RAF1: variants seen among roughly 807,000 people sequenced by gnomAD.
The protein encoded by RAF1 is Raf-1 proto-oncogene, serine/threonine kinase, also known as RAF proto-oncogene serine/threonine-protein kinase.
A neutral mutation model predicts 81.1 loss-of-function variants in RAF1; 27 were observed. The observed-to-expected ratio is 0.33, with a 90% CI of 0.25 to 0.46. The LOEUF (loss-of-function observed/expected upper bound fraction) is 0.46. Ranked by LOEUF, RAF1 falls within the 20% of genes least tolerant of loss-of-function variation. RAF1 has a pLI of 1.00. For synonymous variants in RAF1, 298 were observed against 294.0 expected (o/e 1.01, Z -0.14); for missense variants, 598 against 826.0 (o/e 0.72, Z 3.38).
At chr3:12,618,251 A>G (rs143442022) in intron 2 of RAF1, among the ~76,000 whole-genome samples, 2 of 152,358 alleles carry the variant, frequency 1.3e-5, no homozygotes, top group Admixed American at 1.3e-4. Context: ...AAATATACCC[A>G]TAAGAATGTA....
chr3:12,620,136 ATTTTC>A (rs569177072), intron 1 of RAF1, among the ~76,000 whole-genome samples: 73 of 151,804 alleles, frequency 4.8e-4, no homozygotes, highest in Admixed American at 1.4e-3. Flanking sequence ...AACCCCAAAG[ATTTTC>A]TTTTCTTTTC....
chr3:12,635,637 CA>C (rs34576938), intron 1 of RAF1, among the ~76,000 whole-genome samples: 8,639 of 73,074 alleles, frequency 0.12, 268 homozygotes, highest in Admixed American at 0.15. Context: ...ACTCCAGCTC[CA>C]AAAAAAAAAA....
At chr3:12,600,990 G>A (rs1352903208) in intron 8 of RAF1, among the ~76,000 whole-genome samples, 4 of 152,224 alleles carry the variant, frequency 2.6e-5, no homozygotes, top group Non-Finnish European at 5.9e-5. Flanking sequence ...TCCAAAGATT[G>A]GGATTCTTGT....
intron 6 of RAF1, among the ~76,000 whole-genome samples, chr3:12,605,262 G>A (rs993182341): frequency 6.6e-6 from 1 of 151,676 alleles, no homozygotes; most frequent in African/African-American, 2.4e-5. Flanking sequence ...GTGTGTGTGT[G>A]TGTGTGTGTG....
chr3:12,585,904 T>G (rs1245910948), intron 14 of RAF1, 105 bp from the exon 14 acceptor site: 1 of 829,994 alleles, frequency 1.2e-6, no homozygotes, highest in Non-Finnish European at 2.1e-6. Context: ...CTTACCTCTG[T>G]CACAGCCTCT....
intron 2 of RAF1, among the ~76,000 whole-genome samples, chr3:12,613,093 T>C (rs1308751137): frequency 6.6e-6 from 1 of 152,174 alleles, no homozygotes; most frequent in Non-Finnish European, 1.5e-5. Context: ...TAGTGGCACA[T>C]ACTTCTCTAT....
intron 1 of RAF1, among the ~76,000 whole-genome samples, chr3:12,634,792 A>G (rs1182119038): frequency 6.6e-6 from 1 of 152,100 alleles, no homozygotes; most frequent in African/African-American, 2.4e-5. Context: ...CCCTTTAAGT[A>G]TATCCTCTCC....
chr3:12,646,761 G>C (rs893353676), intron 1 of RAF1, among the ~76,000 whole-genome samples: 4 of 151,768 alleles, frequency 2.6e-5, no homozygotes, highest in Non-Finnish European at 5.9e-5. Context: ...ATGTTGGCCA[G>C]ACTTGTCTCA....
At chr3:12,662,063 C>G (rs2060895232) in intron 1 of RAF1, among the ~76,000 whole-genome samples, 1 of 151,524 alleles carries the variant, frequency 6.6e-6, no homozygotes, top group African/African-American at 2.4e-5. Context: ...AGTGGCTCAC[C>G]CCTGTAATCC....
At chr3:12,605,250 A>ATATGTGTGTG (rs1553613998) in intron 6 of RAF1, among the ~76,000 whole-genome samples, 1,791 of 144,610 alleles carry the variant, frequency 0.012, 17 homozygotes, top group African/African-American at 0.028. Context: ...ATTACACATT[A>ATATGTGTGTG]TGTGTGTGTG....
intron 5 of RAF1, among the ~76,000 whole-genome samples, chr3:12,607,584 G>T (rs1575580085): frequency 6.6e-6 from 1 of 152,094 alleles, no homozygotes; most frequent in Non-Finnish European, 1.5e-5. Context: ...AGAGGTCGAG[G>T]CTACAGTGAG....
intron 11 of RAF1, among the ~76,000 whole-genome samples, chr3:12,597,178 G>C (rs553684342): frequency 2.6e-5 from 4 of 152,092 alleles, no homozygotes; most frequent in Admixed American, 6.6e-5. Flanking sequence ...GATTACAGGC[G>C]TGAGCCACCG....
chr3:12,584,986 G>A lies in RAF1; in HGVS notation c.1729-5C>T. 2 of 1,614,098 alleles carry A rather than the reference G, an allele frequency of 1.2e-6. No homozygotes were observed. The highest frequency in any genetic ancestry group is 1.3e-5 in the African/African-American group (1 of 75,024). ...TCGGCCCACCATGAAGATGATCTAA[G>A]GGAAAGAAAACAGCTGAGCTAATGG... On this transcript the variant is annotated splice_polypyrimidine_tract_variant and splice_region_variant and intron_variant, in intron 16 of 17. Transcript: ENST00000442415.
chr3:12,648,842 C>T (rs947766807), intron 1 of RAF1, among the ~76,000 whole-genome samples: 24 of 152,170 alleles, frequency 1.6e-4, no homozygotes, highest in African/African-American at 5.3e-4. Flanking sequence ...CGGCCGGATG[C>T]GGTGGCTCAC....
intron 1 of RAF1, among the ~76,000 whole-genome samples, chr3:12,627,490 G>A (rs189706130): frequency 1.3e-5 from 2 of 152,226 alleles, no homozygotes; most frequent in African/African-American, 4.8e-5. Context: ...ACCAGGGGAC[G>A]TTTTAGGATA....
chr3:12,657,469 C>T (rs2060732517), intron 1 of RAF1, among the ~76,000 whole-genome samples: 1 of 152,090 alleles, frequency 6.6e-6, no homozygotes, highest in Admixed American at 6.6e-5. Context: ...ATATTTAATT[C>T]TTAAGAATTT....
chr3:12,595,879 C>CTTT lies in RAF1; in HGVS notation c.1168+3809_1168+3811dup, dbSNP rs35282213. ...ACTAGAATATAAACTCCTTAAGTTT[C>CTTT]TTTTTTTTTTTTTGGACACAGGGTC... On this transcript the variant is annotated intron_variant, in intron 11 of 17. Coordinates refer to ENST00000442415, the MANE Select transcript of RAF1 (RefSeq NM_001354689.3). Among the ~76,000 whole-genome samples, 95 of 144,922 alleles carry CTTT rather than the reference C, an allele frequency of 6.6e-4. 1 individual carries two copies. In the East Asian group the frequency reaches 0.011, roughly 16 times the overall value.
chr3:12,663,429 G>A (rs1374019585), intron 1 of RAF1, among the ~76,000 whole-genome samples: 1 of 152,232 alleles, frequency 6.6e-6, no homozygotes, highest in African/African-American at 2.4e-5. Flanking sequence ...GAGAAAGGGT[G>A]CAAGCCCGGG....
chr3:12,634,227 G>A (rs553219767), intron 1 of RAF1, among the ~76,000 whole-genome samples: 4 of 150,240 alleles, frequency 2.7e-5, no homozygotes, highest in African/African-American at 9.8e-5. Flanking sequence ...GCTCACTGCA[G>A]CCTCCGCCTC....
Sources: allele counts gnomAD v4.1 joint callset (sites outside exome capture counted in the v4.1 genomes callset), GRCh38; gene constraint gnomAD v4.1.1; transcripts MANE v1.5; gene names NCBI Gene and HGNC (gene_info 2026-07-23, HGNC 2026-07-21).